Variants in CDH18 observed in about 807,000 individuals in gnomAD.
The protein encoded by CDH18 is cadherin-18.
A neutral mutation model predicts 67.9 loss-of-function variants in CDH18; 31 were observed. The ratio of observed to expected loss-of-function variants is 0.46; its 90% CI spans 0.34 to 0.62. The LOEUF (loss-of-function observed/expected upper bound fraction) is 0.62, where lower values mean the gene tolerates loss of function less well. Ranked by LOEUF, CDH18 falls within the 20% of genes least tolerant of loss-of-function variation. The probability of loss-of-function intolerance (pLI) is 0.01; values close to 1 mark genes in which losing one functional copy is unlikely to be tolerated. For missense variants in CDH18, 890 were observed against 975.5 expected (o/e 0.91, Z 1.17); for synonymous variants, 362 against 347.2 (o/e 1.04, Z -0.48).
intron 11 of CDH18, among the ~76,000 whole-genome samples, chr5:19,492,545 A>G (rs1475658742): frequency 6.6e-6 from 1 of 152,134 alleles, no homozygotes; most frequent in Admixed American, 6.5e-5. Flanking sequence ...AAGTAAGAAA[A>G]AAACTACATT....
At chr5:19,988,383 A>G (rs1212535707), upstream of CDH18, among the ~76,000 whole-genome samples, 5 of 148,912 alleles carry the variant, frequency 3.4e-5, no homozygotes, top group African/African-American at 5.0e-5. Flanking sequence ...CTCCCCCCCA[A>G]CCCCCCACCG....
chr5:19,691,390 T>C (rs1336462622), intron 5 of CDH18, among the ~76,000 whole-genome samples: 1 of 151,738 alleles, frequency 6.6e-6, no homozygotes, highest in Admixed American at 6.6e-5. Flanking sequence ...GACCTAGCCA[T>C]AGACATCAGA....
chr5:19,611,968 G>GTGTGTGTC (rs1232117175), intron 6 of CDH18, among the ~76,000 whole-genome samples: 1 of 151,596 alleles, frequency 6.6e-6, no homozygotes, highest in Admixed American at 6.6e-5. Context: ...GTGTGTGTGT[G>GTGTGTGTC]TGTGTGTGTG....
intron 2 of CDH18, among the ~76,000 whole-genome samples, chr5:20,150,327 T>C (rs949355987): frequency 2.0e-5 from 3 of 152,002 alleles, no homozygotes; most frequent in African/African-American, 7.2e-5. Context: ...GAGCAAATCT[T>C]GGTAGTAATA....
chr5:19,513,397 A>C (rs1745427707), intron 10 of CDH18, among the ~76,000 whole-genome samples: 1 of 152,144 alleles, frequency 6.6e-6, no homozygotes, highest in Non-Finnish European at 1.5e-5. Flanking sequence ...ATATCTGTAA[A>C]GTCTATAGTT....
At chr5:20,523,235 C>T (rs1241848484) in intron 1 of CDH18, among the ~76,000 whole-genome samples, 1 of 152,134 alleles carries the variant, frequency 6.6e-6, no homozygotes, top group African/African-American at 2.4e-5. Context: ...TTTGCTCATG[C>T]ATGCTTTTTG....
intron 1 of CDH18, among the ~76,000 whole-genome samples, chr5:20,504,861 AG>A (rs1428478480): frequency 1.0e-3 from 144 of 137,636 alleles, no homozygotes; most frequent in African/African-American, 3.7e-3. Flanking sequence ...TCTGCCTCCC[AG>A]GTTCATGCCG....
intron 5 of CDH18, among the ~76,000 whole-genome samples, chr5:19,709,370 C>T (rs2030424): frequency 0.56 from 84,646 of 151,808 alleles, 26,687 homozygotes; most frequent in East Asian, 0.74. Flanking sequence ...GAGTTCGAGG[C>T]CAACCTGATC....
At chr5:19,642,220 G>A (rs182980710) in intron 5 of CDH18, among the ~76,000 whole-genome samples, 129 of 152,052 alleles carry the variant, frequency 8.5e-4, no homozygotes, top group African/African-American at 2.8e-3. Flanking sequence ...CCACGGATTA[G>A]AAGAATCAAC....
chr5:20,241,300 C>A (rs1278490697), intron 2 of CDH18, among the ~76,000 whole-genome samples: 1 of 152,154 alleles, frequency 6.6e-6, no homozygotes, highest in East Asian at 1.9e-4. Flanking sequence ...ACCCAGGCCT[C>A]AGATCTCTCT....
intron 6 of CDH18, among the ~76,000 whole-genome samples, chr5:19,603,992 ATC>A (rs143492049): frequency 0.016 from 2,460 of 152,072 alleles, 67 homozygotes; most frequent in African/African-American, 0.056. Flanking sequence ...ACAGCTTTGT[ATC>A]TGGATGCACC....
In CDH18 at chr5:19,803,813, A is replaced by G. The variant is rs922159301; in HGVS notation, c.228+34946T>C. On this transcript the variant is annotated intron_variant, in intron 3 of 12. Transcript: ENST00000382275. The stretch of plus-strand genomic sequence containing the variant: ...GGTACCTAGAAATGATTGATAAACT[A>G]GTACCTACCTTAAAAGATAAATCCT... 20 of 152,164 alleles carry G rather than the reference A, an allele frequency of 1.3e-4. 1 individual carries two copies. Among genetic ancestry groups the G allele is most frequent in the Non-Finnish European group, 4.4e-5 (3 of 68,018 alleles). The allele number at this position is 152,164 out of a possible 1,614,324, so 9.4% of individuals were successfully genotyped here.
At chr5:20,250,593 T>C (rs1003101178) in intron 2 of CDH18, among the ~76,000 whole-genome samples, 2 of 64,860 alleles carry the variant, frequency 3.1e-5, no homozygotes, top group South Asian at 1.4e-3. Flanking sequence ...CCATGGCTTT[T>C]TTTTTTTTTT....
intron 2 of CDH18, among the ~76,000 whole-genome samples, chr5:19,931,946 A>G (rs1251498305): frequency 6.6e-6 from 1 of 151,450 alleles, no homozygotes; most frequent in Non-Finnish European, 1.5e-5. Context: ...CCTCTATCCT[A>G]TGCCACCTCT....
At chr5:20,381,530 T>A (rs2150100853) in intron 1 of CDH18, among the ~76,000 whole-genome samples, 1 of 152,280 alleles carries the variant, frequency 6.6e-6, no homozygotes, top group South Asian at 2.1e-4. Context: ...ATATTTAACT[T>A]TTAAAATTTG....
At chr5:20,495,286 C>A (rs1229811401) in intron 1 of CDH18, among the ~76,000 whole-genome samples, 4 of 151,922 alleles carry the variant, frequency 2.6e-5, no homozygotes, top group Admixed American at 6.6e-5. Context: ...ATTTGAAATT[C>A]AAAGTTTTAC....
At chr5:19,562,289 A>ATT (rs1739589844) in intron 8 of CDH18, among the ~76,000 whole-genome samples, 1 of 152,158 alleles carries the variant, frequency 6.6e-6, no homozygotes, top group African/African-American at 2.4e-5. Context: ...AACTCTTAAT[A>ATT]ATTTCTTTTC....
chr5:20,168,596 A>G (rs2126638330), intron 2 of CDH18, among the ~76,000 whole-genome samples: 1 of 152,248 alleles, frequency 6.6e-6, no homozygotes, highest in East Asian at 1.9e-4. Context: ...TTCTAGTGTG[A>G]TAAAATAGAC....
chr5:20,146,106 C>A (rs903330238), intron 2 of CDH18, among the ~76,000 whole-genome samples: 1 of 152,014 alleles, frequency 6.6e-6, no homozygotes, highest in African/African-American at 2.4e-5. Context: ...CTAGAATGGG[C>A]CTCTCTCAGA....
Sources: gnomAD v4.1 joint callset for allele counts (sites outside exome capture counted in the v4.1 genomes callset) on GRCh38, gnomAD v4.1.1 for gene constraint, MANE v1.5 for transcripts, NCBI Gene and HGNC (gene_info 2026-07-23, HGNC 2026-07-21) for gene names.